The following ARFGAP2 variants were observed in gnomAD, a reference collection of about 807,000 sequenced individuals.
ARFGAP2 encodes ADP-ribosylation factor GTPase-activating protein 2.
Under a neutral mutation model 71.9 loss-of-function variants are expected in ARFGAP2, and 45 were observed. The observed-to-expected ratio is 0.63, with a 90% CI of 0.49 to 0.80. The LOEUF is 0.80. Ranked by LOEUF, ARFGAP2 falls within the 30% of genes least tolerant of loss-of-function variation. The probability of loss-of-function intolerance (pLI) is 0.00; values close to 1 mark genes in which losing one functional copy is unlikely to be tolerated. For missense variants in ARFGAP2, 633 were observed against 673.9 expected (o/e 0.94, Z 0.67); for synonymous variants, 248 against 249.2 (o/e 1.00, Z 0.05).
chr11:47,166,962 G>A (rs1590945555), intron 12 of ARFGAP2, 76 bp from the exon 13 acceptor site: 1 of 1,531,212 alleles, frequency 6.5e-7, no homozygotes, highest in East Asian at 2.3e-5. Flanking sequence ...GCCAAACAGA[G>A]CACCAGTGGC....
chr11:47,173,310 A>T, intron 7 of ARFGAP2, 116 bp downstream of exon 7: 1 of 1,181,422 alleles, frequency 8.5e-7, no homozygotes, highest in Non-Finnish European at 1.2e-6. Context: ...AGAATCAGAT[A>T]GATGCTCAGT....
intron 7 of ARFGAP2, 78 bp downstream of exon 7, chr11:47,173,348 G>A (rs1330990829): frequency 2.0e-6 from 3 of 1,500,616 alleles, no homozygotes; most frequent in South Asian, 2.4e-5. Flanking sequence ...CACACGGCCA[G>A]GCAGTAGGAC....
intron 2 of ARFGAP2, 89 bp downstream of exon 2, chr11:47,176,427 C>T: frequency 1.6e-6 from 2 of 1,258,226 alleles, no homozygotes; most frequent in Non-Finnish European, 2.3e-6. Flanking sequence ...GAATTCAGAG[C>T]GGCCCAAGTC....
At position 47,171,544 on chromosome 11, in the gene ARFGAP2, G is replaced by A. The variant is rs1342213501; in HGVS notation, c.823C>T (p.Arg275Cys). ...QAEESMVASM[R>C]LAYQELQIDR... ...ATCTGGAGCTCCTGGTAGGCCAGACGCATGGAGGCGACCCTTAGGGGGAAC... is the reference window on the plus strand; with the variant it reads ...ATCTGGAGCTCCTGGTAGGCCAGACACATGGAGGCGACCCTTAGGGGGAAC... The change falls in exon 10 of 16, where the codon CGT becomes TGT. Residue 275 changes from arginine to cysteine, a missense_variant. By Grantham distance (180) the Arg-to-Cys change is radical. Transcript: ENST00000524782. The A allele has an allele frequency of 9.3e-6, 15 of 1,614,168 alleles. No individual in the cohort carries two copies. Among genetic ancestry groups the A allele is most frequent in the Non-Finnish European group, 1.1e-5 (13 of 1,180,034 alleles).
chr11:47,164,319 G>A lies in ARFGAP2; in HGVS notation c.*1163C>T. The A allele has an allele frequency of 6.7e-7, 1 of 1,494,026 alleles. No individual in the cohort carries two copies. Among genetic ancestry groups the A allele is most frequent in the East Asian group, 2.4e-5 (1 of 42,148 alleles). 92.5% of individuals were successfully genotyped at this position (1,494,026 alleles called of 1,614,324 possible). A position where few individuals can be genotyped will look rare whatever the true frequency, so the allele number is the denominator to read the frequency against. Reference sequence around the variant, plus strand: ...ACACTGCTTCACTCAGACCAACAGGGAGCCAGGCCCTGCAGGGGCTTTATT... The same window carrying A: ...ACACTGCTTCACTCAGACCAACAGGAAGCCAGGCCCTGCAGGGGCTTTATT... On this transcript the variant is annotated 3_prime_UTR_variant, in exon 16 of 16. Coordinates refer to ENST00000524782, the MANE Select transcript of ARFGAP2 (RefSeq NM_032389.6).
intron 12 of ARFGAP2, among the ~76,000 whole-genome samples, 194 bp from the exon 13 acceptor site, chr11:47,167,080 A>T (rs1952415965): frequency 6.6e-6 from 1 of 152,160 alleles, no homozygotes; most frequent in African/African-American, 2.4e-5. Context: ...CAAGGCCCAG[A>T]GAGCTTAGGA....
rs1455534031 is a variant in ARFGAP2 at position 47,175,935 on chromosome 11, G to A, written c.192-12C>T. The A allele has an allele frequency of 6.2e-7, 1 of 1,613,784 alleles. No individual in the cohort carries two copies. On this transcript the variant is annotated splice_polypyrimidine_tract_variant and intron_variant, in intron 2 of 15. Coordinates refer to ENST00000524782, the MANE Select transcript of ARFGAP2 (RefSeq NM_032389.6). ...CCAACTCTGTGGACCTGTGTACAAG[G>A]GCTGCGTCTCACCCACTAGCAGATA...
chr11:47,169,896 C>T (rs994670679), intron 10 of ARFGAP2, among the ~76,000 whole-genome samples: 6 of 152,182 alleles, frequency 3.9e-5, no homozygotes, highest in Non-Finnish European at 8.8e-5. Flanking sequence ...GTTCATATGC[C>T]TTAACCCCTT....
chr11:47,170,038 C>A (rs1952531955), intron 10 of ARFGAP2, among the ~76,000 whole-genome samples: 1 of 151,866 alleles, frequency 6.6e-6, no homozygotes, highest in Non-Finnish European at 1.5e-5. Context: ...CGCCCGTAAT[C>A]CAAGCACTGG....
chr11:47,171,826 C>T (rs1245974111), intron 8 of ARFGAP2, 26 bp from the exon 9 acceptor site: 2 of 1,611,162 alleles, frequency 1.2e-6, no homozygotes, highest in Admixed American at 1.7e-5. Flanking sequence ...TGTAAGGGGC[C>T]TTCCCAATCA....
intron 10 of ARFGAP2, among the ~76,000 whole-genome samples, chr11:47,170,555 G>A (rs1201300083): frequency 6.6e-6 from 1 of 152,016 alleles, no homozygotes; most frequent in Non-Finnish European, 1.5e-5. Context: ...GCTGAGACAG[G>A]AGAATCACTT....
chr11:47,173,552 T>G lies in ARFGAP2; in HGVS notation c.563-70A>C. 2.7e-6 allele frequency: 4 copies of G among 1,495,432 alleles called. No individual in the cohort carries two copies. The Admixed American group carries it at 8.7e-5, about 33-fold the overall frequency. The allele number at this position is 1,495,432 out of a possible 1,614,324, so 92.6% of individuals were successfully genotyped here. A position where few individuals can be genotyped will look rare whatever the true frequency, so the allele number is the denominator to read the frequency against. On this transcript the variant is annotated intron_variant, in intron 6 of 15. Transcript: ENST00000524782. ...TGCAACCTCCCCTTGAAAGAAGTGA[T>G]GGGACAAGAATCGGTGGCTTTCCTC...
At position 47,165,371 on chromosome 11, in the gene ARFGAP2, A is replaced by T; in HGVS notation, c.*111T>A. On this transcript the variant is annotated 3_prime_UTR_variant, in exon 16 of 16. Transcript: ENST00000524782. ...AGGCCACCCCACACACACACCACACATACGAAGTAACAAATCCTCCCCAGC... is the reference window on the plus strand; with the variant it reads ...AGGCCACCCCACACACACACCACACTTACGAAGTAACAAATCCTCCCCAGC... The T allele has an allele frequency of 7.1e-7, 1 of 1,416,154 alleles. No homozygotes were observed. Among genetic ancestry groups the T allele is most frequent in the Non-Finnish European group, 9.6e-7 (1 of 1,045,042 alleles). The allele number at this position is 1,416,154 out of a possible 1,614,324, so 87.7% of individuals were successfully genotyped here.
rs1179855858 is a variant in ARFGAP2, at chr11:47,176,800, G to A, written c.54C>T (p.Arg18=). The A allele has an allele frequency of 2.5e-6, 4 of 1,614,110 alleles. No individual in the cohort carries two copies. The South Asian group carries it at 4.4e-5, about 18-fold the overall frequency. Residue 18 remains arginine, a synonymous_variant, in exon 1 of 16, where the codon CGC becomes CGT. Transcript: ENST00000524782. Reference sequence around the variant, plus strand: ...CACGCACCTTGTTGGTTGGAACTGCGCGAAGCCTCTTAAAAAGAGTCTGGA... The same window carrying A: ...CACGCACCTTGTTGGTTGGAACTGCACGAAGCCTCTTAAAAAGAGTCTGGA... The part of the protein sequence containing the change: ...TEIQTLFKRL[R]AVPTNKACFD...
In ARFGAP2 at chr11:47,171,503, C is replaced by G; in HGVS notation, c.864G>C (p.Glu288Asp). 6.2e-7 allele frequency: 1 copy of G among 1,614,182 alleles called. No homozygotes were observed. Among genetic ancestry groups the G allele is most frequent in the Non-Finnish European group, 8.5e-7 (1 of 1,180,032 alleles). The change falls in exon 10 of 16, where the codon GAG becomes GAC. Residue 288 changes from glutamate (E) to aspartate (D), a missense_variant. Transcript: ENST00000524782. ...CTTCCAGATTCTGTAGCTTCTTTTC[C>G]TCTTTCTTACGATCAATCTGGAGCT... ...YQELQIDRKK[E>D]EKKLQNLEGK...
chr11:47,165,746 T>G (rs1373810466), intron 15 of ARFGAP2, among the ~76,000 whole-genome samples: 1 of 151,834 alleles, frequency 6.6e-6, no homozygotes, highest in Non-Finnish European at 1.5e-5. Flanking sequence ...GCGGTACAGG[T>G]GACAAGGCCA....
chr11:47,172,408 C>T, intron 7 of ARFGAP2, 75 bp from the exon 8 acceptor site: 1 of 1,523,898 alleles, frequency 6.6e-7, no homozygotes, highest in South Asian at 1.1e-5. Context: ...CACCATGCAG[C>T]TTCATGGCAA....
chr11:47,167,494 G>GA, intron 12 of ARFGAP2, among the ~76,000 whole-genome samples: 1 of 152,126 alleles, frequency 6.6e-6, no homozygotes, highest in East Asian at 1.9e-4. Flanking sequence ...TAAAAAATAA[G>GA]AAGGGGGCTG....
At chr11:47,176,662 G>T in intron 1 of ARFGAP2, 28 bp from the exon 2 acceptor site, 1 of 1,613,126 alleles carries the variant, frequency 6.2e-7, no homozygotes. Context: ...TGAGCGAATC[G>T]TCAGGGGCCC....
Sources: gnomAD v4.1 joint callset for allele counts (sites outside exome capture counted in the v4.1 genomes callset) on GRCh38, gnomAD v4.1.1 for gene constraint, MANE v1.5 for transcripts, NCBI Gene and HGNC (gene_info 2026-07-23, HGNC 2026-07-21) for gene names.